Variants in PTPN20 observed in about 807,000 individuals in gnomAD.
PTPN20 encodes the protein protein tyrosine phosphatase non-receptor type 20.
Under a neutral mutation model 35.0 loss-of-function variants are expected in PTPN20, and 9 were observed. The ratio of observed to expected loss-of-function variants is 0.26; its 90% CI spans 0.15 to 0.45. The LOEUF (loss-of-function observed/expected upper bound fraction) is 0.45, where lower values mean the gene tolerates loss of function less well. Ranked by LOEUF, PTPN20 falls within the 20% of genes least tolerant of loss-of-function variation. The pLI is 1.00. For missense variants in PTPN20, 111 were observed against 312.5 expected (o/e 0.36, Z 4.86); for synonymous variants, 32 against 100.2 (o/e 0.32, Z 4.06).
chr10:46,987,955 A>AG (rs1472366875), intron 9 of PTPN20, among the ~76,000 whole-genome samples: 1 of 149,328 alleles, frequency 6.7e-6, no homozygotes, highest in African/African-American at 2.4e-5. Context: ...TGAGTTAATG[A>AG]GGGGTCCCTG....
chr10:47,000,530 G>C, intron 10 of PTPN20, 146 bp from the exon 11 acceptor site: 1 of 843,702 alleles, frequency 1.2e-6, no homozygotes, highest in South Asian at 1.7e-5. Flanking sequence ...ATGTATTCAC[G>C]TAAAGTTCTT....
chr10:46,922,720 C>CATGAGAGGG (rs2035771907), intron 1 of PTPN20, among the ~76,000 whole-genome samples: 1 of 140,784 alleles, frequency 7.1e-6, no homozygotes, highest in Non-Finnish European at 1.5e-5. Flanking sequence ...ACTCATGGAT[C>CATGAGAGGG]CAGACAGCCC....
chr10:46,988,025 CCT>C (rs2057100955), intron 9 of PTPN20, among the ~76,000 whole-genome samples: 1 of 152,246 alleles, frequency 6.6e-6, no homozygotes, highest in Non-Finnish European at 1.5e-5. Context: ...AATTGCTCAT[CCT>C]CTCTCAAATC....
At chr10:46,932,302 G>T in intron 1 of PTPN20, 75 bp from the exon 2 acceptor site, 4 of 1,431,540 alleles carry the variant, frequency 2.8e-6, no homozygotes, top group Non-Finnish European at 3.7e-6. Context: ...TTGAATTGAT[G>T]AGTAATAATA....
intron 5 of PTPN20, chr10:46,947,993 T>C: frequency 2.2e-6 from 1 of 449,872 alleles, no homozygotes; most frequent in South Asian, 1.6e-5. Flanking sequence ...GTCATAAGTG[T>C]ATAACAGACA....
In PTPN20 at chr10:47,000,816, G is replaced by A; in HGVS notation, c.*75G>A. 3.2e-6 allele frequency: 5 copies of A among 1,548,150 alleles called. No homozygotes were observed. The highest frequency in any genetic ancestry group is 2.2e-5 in the South Asian group (2 of 89,720). On this transcript the variant is annotated 3_prime_UTR_variant, in exon 11 of 11. Transcript: ENST00000374339. ...TCCTCATAAAGAACATGTTTGCACT[G>A]TGCTGAAGGGCTTTGCTATGCATAC...
chr10:46,922,748 C>T (rs1230594824), intron 1 of PTPN20, among the ~76,000 whole-genome samples: 1 of 139,580 alleles, frequency 7.2e-6, no homozygotes, highest in African/African-American at 3.1e-5. Flanking sequence ...CCCTGGAAAC[C>T]TAATGAAAAT....
At chr10:46,941,187 G>A (rs1441165093) in intron 3 of PTPN20, among the ~76,000 whole-genome samples, 3 of 150,818 alleles carry the variant, frequency 2.0e-5, no homozygotes, top group African/African-American at 7.4e-5. Context: ...TTTTAGTCTG[G>A]TGGGTGCTTT....
At chr10:46,992,974 G>A (rs2137424026) in intron 9 of PTPN20, among the ~76,000 whole-genome samples, 1 of 152,254 alleles carries the variant, frequency 6.6e-6, no homozygotes, top group East Asian at 1.9e-4. Context: ...ATTTCTGGGT[G>A]CTTTCAGAGG....
chr10:46,930,052 G>T (rs1302385602), intron 1 of PTPN20, among the ~76,000 whole-genome samples: 6 of 143,034 alleles, frequency 4.2e-5, no homozygotes, highest in Admixed American at 4.1e-4. Context: ...TTTAATTCTT[G>T]TGTTTCTGTA....
chr10:46,977,556 T>G (rs1217591893), intron 7 of PTPN20, among the ~76,000 whole-genome samples: 1 of 148,936 alleles, frequency 6.7e-6, no homozygotes, highest in African/African-American at 2.5e-5. Context: ...TGCCATTAGG[T>G]AATCCTATTC....
intron 5 of PTPN20, among the ~76,000 whole-genome samples, chr10:46,949,473 T>A (rs2046024783): frequency 6.6e-6 from 1 of 152,118 alleles, no homozygotes; most frequent in South Asian, 2.1e-4. Context: ...CTTAGGAGAG[T>A]CTGTCTTTCC....
intron 7 of PTPN20, among the ~76,000 whole-genome samples, chr10:46,979,937 A>G (rs1438363636): frequency 0.099 from 14,296 of 145,118 alleles, 24 homozygotes; most frequent in African/African-American, 0.23. Context: ...AGGGATCTCA[A>G]TCACCTTTCC....
At position 47,000,257 on chromosome 10, in the gene PTPN20, G is replaced by A. The variant is rs1048610972; in HGVS notation, c.1197+283G>A. ...AAACACATGCCTTGTCCATAATGCC[G>A]TGCTATTTAAGTAACATCTAAAGTT... On this transcript the variant is annotated intron_variant, in intron 10 of 10. Coordinates refer to ENST00000374339, the MANE Select transcript of PTPN20 (RefSeq NM_001042357.5). 5.9e-5 allele frequency among the ~76,000 whole-genome samples: 9 copies of A among 152,242 alleles called. No individual in the cohort carries two copies. The South Asian group carries it at 6.2e-4, about 11-fold the overall frequency.
chr10:46,988,847 T>C (rs2057350264), intron 9 of PTPN20, among the ~76,000 whole-genome samples: 1 of 150,074 alleles, frequency 6.7e-6, no homozygotes, highest in Admixed American at 6.6e-5. Flanking sequence ...ATCCTAGGTG[T>C]TTTTTTTTTT....
At chr10:46,954,888 C>A (rs2047996274) in intron 5 of PTPN20, among the ~76,000 whole-genome samples, 1 of 151,432 alleles carries the variant, frequency 6.6e-6, no homozygotes, top group Non-Finnish European at 1.5e-5. Flanking sequence ...TCTGCATCTA[C>A]AAATTCAACC....
intron 5 of PTPN20, among the ~76,000 whole-genome samples, chr10:46,947,004 C>T (rs1348466135): frequency 6.7e-6 from 1 of 150,020 alleles, no homozygotes; most frequent in African/African-American, 2.5e-5. Context: ...AAATTTGTTG[C>T]ACAATATATG....
chr10:46,925,643 G>C (rs2037044871), intron 1 of PTPN20, among the ~76,000 whole-genome samples: 2 of 149,376 alleles, frequency 1.3e-5, no homozygotes. Flanking sequence ...GATGTCTACA[G>C]AGGATAGAGG....
intron 7 of PTPN20, among the ~76,000 whole-genome samples, chr10:46,970,736 A>G (rs2051882989): frequency 1.6e-5 from 2 of 122,936 alleles, no homozygotes; most frequent in Admixed American, 1.6e-4. Context: ...GATAAAGGCA[A>G]CCTAGGGGAA....
Sources: gnomAD v4.1 joint callset for allele counts (sites outside exome capture counted in the v4.1 genomes callset) on GRCh38, gnomAD v4.1.1 for gene constraint, MANE v1.5 for transcripts, NCBI Gene and HGNC (gene_info 2026-07-23, HGNC 2026-07-21) for gene names.